CELF2: variants seen among roughly 807,000 people sequenced by gnomAD.
The protein encoded by CELF2 is CUG triplet repeat RNA-binding protein 2.
CELF2 carries 8 observed loss-of-function variants against 62.6 expected under a neutral mutation model. That is an observed-to-expected ratio of 0.13 (90% CI 0.07 to 0.23). CELF2 has a LOEUF of 0.23. Ranked by LOEUF, CELF2 falls within the 10% of genes least tolerant of loss-of-function variation. The pLI, the probability that CELF2 is intolerant of heterozygous loss-of-function variation, is 1.00. For synonymous variants in CELF2, 258 were observed against 250.0 expected (o/e 1.03, Z -0.30); for missense variants, 333 against 671.0 (o/e 0.50, Z 5.56).
the CELF2 span, among the ~76,000 whole-genome samples, chr10:10,490,814 C>T: frequency 6.6e-6 from 1 of 152,078 alleles, no homozygotes; most frequent in African/African-American, 2.4e-5. Context: ...AAAAGGTTGA[C>T]CCAAATTGCC....
the CELF2 span, among the ~76,000 whole-genome samples, chr10:10,665,871 A>T: frequency 6.6e-6 from 1 of 152,086 alleles, no homozygotes; most frequent in Non-Finnish European, 1.5e-5. Context: ...TACAAAAACT[A>T]CTCTGCAAGC....
chr10:10,955,238 C>T (rs546291611), intron 2 of CELF2, among the ~76,000 whole-genome samples: 15 of 152,324 alleles, frequency 9.8e-5, no homozygotes, highest in African/African-American at 1.7e-4. Context: ...ATTGCAAAGC[C>T]GGTATTTGAA....
chr10:10,958,055 G>A (rs1451218012), intron 2 of CELF2, among the ~76,000 whole-genome samples: 1 of 152,170 alleles, frequency 6.6e-6, no homozygotes, highest in African/African-American at 2.4e-5. Flanking sequence ...AGTGAGTCTA[G>A]CAGAAAGCTC....
chr10:10,529,170 G>A, the CELF2 span, among the ~76,000 whole-genome samples: 3 of 152,172 alleles, frequency 2.0e-5, no homozygotes, highest in Admixed American at 6.5e-5. Flanking sequence ...ATGCAGACAC[G>A]GCCTGTATTT....
At chr10:10,582,401 G>A in the CELF2 span, among the ~76,000 whole-genome samples, 1 of 152,134 alleles carries the variant, frequency 6.6e-6, no homozygotes, top group Non-Finnish European at 1.5e-5. Flanking sequence ...TAATGCCTGA[G>A]ATAGTTTTCC....
At chr10:11,137,546 G>A (rs937745400) in intron 1 of CELF2, among the ~76,000 whole-genome samples, 1 of 152,152 alleles carries the variant, frequency 6.6e-6, no homozygotes, top group Admixed American at 6.5e-5. Flanking sequence ...AAAATGGCCT[G>A]AGTAATAGTA....
chr10:10,573,061 G>A, the CELF2 span, among the ~76,000 whole-genome samples: 2 of 152,168 alleles, frequency 1.3e-5, no homozygotes, highest in African/African-American at 2.4e-5. Context: ...ATTCTGACTG[G>A]TGTAGCTCAT....
chr10:10,722,573 G>C, the CELF2 span, among the ~76,000 whole-genome samples: 2 of 152,072 alleles, frequency 1.3e-5, no homozygotes, highest in African/African-American at 4.8e-5. Flanking sequence ...TGAGAGCCAA[G>C]CCCTTAAAAC....
the CELF2 span, among the ~76,000 whole-genome samples, chr10:10,692,190 G>A: frequency 2.1e-5 from 3 of 141,928 alleles, no homozygotes; most frequent in South Asian, 4.8e-4. Flanking sequence ...TTTGTATAAG[G>A]TGTAAGGAAG....
the CELF2 span, among the ~76,000 whole-genome samples, chr10:10,553,662 G>A: frequency 1.3e-5 from 2 of 152,150 alleles, no homozygotes; most frequent in Non-Finnish European, 2.9e-5. Context: ...AGTCAAAGAG[G>A]TCTTTCTCTG....
chr10:11,105,711 G>A (rs1182359536), intron 1 of CELF2, among the ~76,000 whole-genome samples: 1 of 152,198 alleles, frequency 6.6e-6, no homozygotes, highest in Non-Finnish European at 1.5e-5. Flanking sequence ...GCAGCTGTGT[G>A]CTCTAGCACC....
rs926765802 is a variant in CELF2 at position 11,306,843 on chromosome 10, C to T, written c.977-7296C>T. Among the ~76,000 whole-genome samples, 2 of 152,102 alleles carry T rather than the reference C, an allele frequency of 1.3e-5. No homozygotes were observed. Among genetic ancestry groups the T allele is most frequent in the Non-Finnish European group, 1.5e-5 (1 of 68,020 alleles). On this transcript the variant is annotated intron_variant, in intron 9 of 12. Transcript: ENST00000633077. This position sits in a 1 kb window ranked among gnomAD's most constrained non-coding sequence, Gnocchi z 4.4. The stretch of plus-strand genomic sequence containing the variant: ...TGTCCAGTTCACTATAGCCAGCCTC[C>T]CAGTTTTTAAATAGGAAGCCAGGGT...
the CELF2 span, among the ~76,000 whole-genome samples, chr10:10,516,703 A>T: frequency 6.6e-6 from 1 of 151,310 alleles, no homozygotes; most frequent in African/African-American, 2.4e-5. Context: ...CTGGAGAGAG[A>T]AGATGGCAGA....
rs760077215 is a variant in CELF2 at position 11,319,863 on chromosome 10, C to T, written c.1097-1326C>T. The T allele has an allele frequency of 3.2e-5, 15 of 470,956 alleles. No individual in the cohort carries two copies. The highest frequency in any genetic ancestry group is 2.4e-4 in the African/African-American group (12 of 50,038). 29.2% of individuals were successfully genotyped at this position (470,956 alleles called of 1,614,324 possible). ...ACAAGTGGAGTAAACAGAACATTCC[C>T]CACCTGCTCTGTTAGGGCAGTAGCG... On this transcript the variant is annotated intron_variant, in intron 10 of 12. Coordinates refer to ENST00000633077, the MANE Select transcript of CELF2 (RefSeq NM_001326342.2). The surrounding 1 kb of genome is among the most constrained non-coding windows in gnomAD (Gnocchi z 4.4).
intron 2 of CELF2, among the ~76,000 whole-genome samples, chr10:11,198,497 T>C (rs1317674769): frequency 6.6e-6 from 1 of 152,358 alleles, no homozygotes; most frequent in East Asian, 1.9e-4. Context: ...GGTAAACTTG[T>C]TTAGACTACA....
intron 1 of CELF2, among the ~76,000 whole-genome samples, chr10:11,065,126 C>CT (rs1174090755): frequency 6.6e-6 from 1 of 152,172 alleles, no homozygotes; most frequent in Admixed American, 6.5e-5. Context: ...CCTTTCATAA[C>CT]TTAAGGAGCT....
intron 1 of CELF2, among the ~76,000 whole-genome samples, chr10:10,916,906 C>T (rs2064388758): frequency 6.6e-6 from 1 of 151,916 alleles, no homozygotes; most frequent in South Asian, 2.1e-4. Flanking sequence ...AGTCACTGCA[C>T]CCAGCCTGGA....
Position 10,972,634 on chromosome 10 carries a change from A to T in CELF2, c.89+52635A>T, listed in dbSNP as rs567185033. Among the ~76,000 whole-genome samples the T allele has an allele frequency of 2.6e-5, 4 of 152,156 alleles. No individual in the cohort carries two copies. In the East Asian group the frequency reaches 7.7e-4, roughly 29 times the overall value. On this transcript the variant is annotated intron_variant, in intron 2 of 13. Coordinates refer to the CELF2 transcript ENST00000636488. The surrounding 1 kb of genome is among the most constrained non-coding windows in gnomAD (Gnocchi z 4.4). Reference sequence around the variant, plus strand: ...ATGATTCTCAGTCCCGGTCTCCATGACTGACCTTGCTGTGTCCTTCAGGTG... The same window carrying T: ...ATGATTCTCAGTCCCGGTCTCCATGTCTGACCTTGCTGTGTCCTTCAGGTG...
At chr10:10,713,637 A>T in the CELF2 span, among the ~76,000 whole-genome samples, 2 of 152,246 alleles carry the variant, frequency 1.3e-5, no homozygotes, top group Non-Finnish European at 2.9e-5. Flanking sequence ...TATGCCATGC[A>T]ATTCTGCTTT....
Sources: gnomAD v4.1 joint callset for allele counts (sites outside exome capture counted in the v4.1 genomes callset) on GRCh38, gnomAD v4.1.1 for gene constraint, Gnocchi (gnomAD v3.1) non-coding constraint, MANE v1.5 for transcripts, NCBI Gene and HGNC (gene_info 2026-07-23, HGNC 2026-07-21) for gene names.